Variants in FHIT observed in about 807,000 individuals in gnomAD.
FHIT encodes bis(5'-adenosyl)-triphosphatase.
A neutral mutation model predicts 17.9 loss-of-function variants in FHIT; 19 were observed. The ratio of observed to expected loss-of-function variants is 1.06; its 90% CI spans 0.74 to 1.56. FHIT has a LOEUF of 1.56. FHIT is among the 40% of genes most tolerant of loss of function. FHIT has a pLI of 0.00. For missense variants in FHIT, 248 were observed against 189.2 expected, an observed-to-expected ratio of 1.31 and a Z score of -1.82; for synonymous variants, 81 against 69.7, an observed-to-expected ratio of 1.16 and a Z score of -0.81.
chr3:60,988,633 G>A (rs998247658), intron 3 of FHIT, among the ~76,000 whole-genome samples: 7 of 152,062 alleles, frequency 4.6e-5, no homozygotes, highest in East Asian at 3.9e-4. Flanking sequence ...GCATTTGATC[G>A]GCATGATACA....
intron 3 of FHIT, among the ~76,000 whole-genome samples, chr3:60,955,633 T>TATATATATATATATACACAC (rs1272864632): frequency 4.3e-4 from 17 of 39,534 alleles, no homozygotes; most frequent in African/African-American, 1.0e-3. Context: ...TATATATATA[T>TATATATATATATATACACAC]ACACACACAC....
At chr3:60,210,786 T>C (rs1309417375) in intron 5 of FHIT, among the ~76,000 whole-genome samples, 2 of 152,074 alleles carry the variant, frequency 1.3e-5, no homozygotes, top group Non-Finnish European at 2.9e-5. Context: ...AATTCTTATA[T>C]AGTTGTGGTA....
intron 4 of FHIT, among the ~76,000 whole-genome samples, chr3:60,588,521 G>C (rs973063812): frequency 6.6e-6 from 1 of 151,964 alleles, no homozygotes; most frequent in Admixed American, 6.6e-5. Flanking sequence ...GAAGGGTATA[G>C]AGATCATCTG....
intron 5 of FHIT, among the ~76,000 whole-genome samples, chr3:60,327,550 T>G (rs1709760057): frequency 6.6e-6 from 1 of 152,250 alleles, no homozygotes; most frequent in Middle Eastern, 3.2e-3. Context: ...AACTCCATTG[T>G]AGACCATGTC....
chr3:60,271,201 A>T (rs1454049062), intron 5 of FHIT, among the ~76,000 whole-genome samples: 1 of 152,040 alleles, frequency 6.6e-6, no homozygotes, highest in Non-Finnish European at 1.5e-5. Flanking sequence ...GGAGTTCAAG[A>T]CCAGCCTGGT....
intron 4 of FHIT, among the ~76,000 whole-genome samples, chr3:60,708,884 G>A (rs2041443576): frequency 1.3e-5 from 2 of 152,198 alleles, no homozygotes; most frequent in African/African-American, 2.4e-5. Flanking sequence ...AATCTCCATG[G>A]GGGGCTGTAG....
At chr3:60,436,829 A>G (rs1166688641) in intron 5 of FHIT, among the ~76,000 whole-genome samples, 1 of 152,122 alleles carries the variant, frequency 6.6e-6, no homozygotes, top group Non-Finnish European at 1.5e-5. Context: ...CAAAGTATGG[A>G]TTTTTAAAAT....
chr3:61,221,220 T>G (rs2039828164), intron 1 of FHIT, among the ~76,000 whole-genome samples: 1 of 152,222 alleles, frequency 6.6e-6, no homozygotes, highest in Admixed American at 6.5e-5. Flanking sequence ...GGAGACATTC[T>G]GACAATGTGG....
At chr3:60,398,968 A>G (rs1404019170) in intron 5 of FHIT, among the ~76,000 whole-genome samples, 1 of 152,188 alleles carries the variant, frequency 6.6e-6, no homozygotes, top group African/African-American at 2.4e-5. Flanking sequence ...CATAAGAATG[A>G]AATTTTATTA....
chr3:60,802,771 TA>T (rs5849390), intron 4 of FHIT, among the ~76,000 whole-genome samples: 5 of 150,580 alleles, frequency 3.3e-5, no homozygotes, highest in African/African-American at 9.8e-5. Context: ...TAAACAGGCT[TA>T]AAAAAAAAAT....
At chr3:60,005,860 TTCTC>T (rs758075817) in intron 7 of FHIT, among the ~76,000 whole-genome samples, 5 of 152,174 alleles carry the variant, frequency 3.3e-5, no homozygotes, top group African/African-American at 4.8e-5. Context: ...AGATAAGGCT[TTCTC>T]TCTTTCTGTA....
In FHIT at chr3:59,995,401, CTT is replaced by C. The variant is rs1294933220; in HGVS notation, c.279+15968_279+15969del. ...TCTAACTTAAAGTCAAACTTAGTCT[CTT>C]GAGGAGGTAATTAAACTTCAACAAC... On this transcript the variant is annotated intron_variant, in intron 7 of 9. Transcript: ENST00000492590. 2.6e-5 allele frequency among the ~76,000 whole-genome samples: 4 copies of C among 152,154 alleles called. No homozygotes were observed. In the East Asian group the frequency reaches 7.8e-4, roughly 29 times the overall value.
chr3:60,372,854 T>C (rs750211470), intron 5 of FHIT, among the ~76,000 whole-genome samples: 5 of 152,166 alleles, frequency 3.3e-5, no homozygotes, highest in South Asian at 4.1e-4. Flanking sequence ...TCTTTTGATA[T>C]TGAGTTCAGT....
intron 5 of FHIT, among the ~76,000 whole-genome samples, chr3:60,342,344 C>T (rs1315962883): frequency 1.3e-5 from 2 of 152,212 alleles, no homozygotes; most frequent in African/African-American, 2.4e-5. Context: ...TGCTAGGTTC[C>T]ATAGTGTGGC....
At chr3:60,036,944 C>A (rs1701242117) in intron 5 of FHIT, among the ~76,000 whole-genome samples, 1 of 152,186 alleles carries the variant, frequency 6.6e-6, no homozygotes, top group Non-Finnish European at 1.5e-5. Context: ...TACTTCCTCT[C>A]CTTGGCTCAA....
intron 2 of FHIT, among the ~76,000 whole-genome samples, chr3:61,079,003 GA>G (rs933833192): frequency 1.5e-4 from 23 of 150,542 alleles, no homozygotes; most frequent in African/African-American, 4.9e-4. Flanking sequence ...GACCAGGTTA[GA>G]AAAAAAAAGA....
intron 8 of FHIT, among the ~76,000 whole-genome samples, chr3:59,888,366 T>C (rs534504777): frequency 1.3e-5 from 2 of 152,342 alleles, no homozygotes; most frequent in East Asian, 1.9e-4. Flanking sequence ...CTACATTGCA[T>C]GTGATACTGA....
chr3:60,548,926 C>T (rs939763677), intron 4 of FHIT, among the ~76,000 whole-genome samples: 4 of 152,154 alleles, frequency 2.6e-5, no homozygotes, highest in Non-Finnish European at 4.4e-5. Context: ...ACATGGCTTC[C>T]GATTGTATCT....
chr3:59,833,808 G>A (rs1400382496), intron 8 of FHIT, among the ~76,000 whole-genome samples: 1 of 152,148 alleles, frequency 6.6e-6, no homozygotes, highest in Non-Finnish European at 1.5e-5. Context: ...GGATCAGGGG[G>A]ACAGTTTCCT....
Sources: gnomAD v4.1 joint callset for allele counts (sites outside exome capture counted in the v4.1 genomes callset) on GRCh38, gnomAD v4.1.1 for gene constraint, MANE v1.5 for transcripts, NCBI Gene and HGNC (gene_info 2026-07-23, HGNC 2026-07-21) for gene names.